FUT8: variants seen among roughly 807,000 people sequenced by gnomAD.
FUT8 encodes the protein alpha-(1,6)-fucosyltransferase.
A neutral mutation model predicts 71.3 loss-of-function variants in FUT8; 29 were observed. The observed-to-expected ratio is 0.41, with a 90% confidence interval of 0.30 to 0.55. FUT8 has a LOEUF of 0.55. Among genes scored for constraint, FUT8 ranks in the 20% least tolerant of loss-of-function variants. The pLI is 0.34. For missense variants in FUT8, 544 were observed against 702.1 expected, an observed-to-expected ratio of 0.77 and a Z score of 2.55; for synonymous variants, 254 against 239.3, an observed-to-expected ratio of 1.06 and a Z score of -0.57.
upstream of FUT8, among the ~76,000 whole-genome samples, chr14:65,409,491 C>A (rs2065101877): frequency 6.6e-6 from 1 of 152,194 alleles, no homozygotes; most frequent in Non-Finnish European, 1.5e-5. The surrounding 1 kb of genome is among the most constrained non-coding windows in gnomAD (Gnocchi z 5.4). Context: ...GTGCTCAGCA[C>A]TATTACACTT....
At chr14:65,722,416 A>G (rs1003771105) in intron 8 of FUT8, among the ~76,000 whole-genome samples, 2 of 152,212 alleles carry the variant, frequency 1.3e-5, no homozygotes, top group Non-Finnish European at 2.9e-5. Context: ...CCTCCCAAGT[A>G]TAATAGCTGG....
At chr14:65,447,561 A>G (rs1487043224) in intron 1 of FUT8, among the ~76,000 whole-genome samples, 2 of 152,064 alleles carry the variant, frequency 1.3e-5, no homozygotes, top group Non-Finnish European at 2.9e-5. Flanking sequence ...CTTCAACCAG[A>G]CAAGATACCA....
intron 5 of FUT8, among the ~76,000 whole-genome samples, chr14:65,616,929 A>G (rs780922927): frequency 3.3e-5 from 5 of 152,126 alleles, no homozygotes; most frequent in South Asian, 2.1e-4. Context: ...TGTTTCTCCT[A>G]TGCACACGTT....
chr14:65,571,224 G>C (rs1886456708), intron 3 of FUT8, among the ~76,000 whole-genome samples: 1 of 152,132 alleles, frequency 6.6e-6, no homozygotes, highest in Admixed American at 6.6e-5. Context: ...CCTGTTAGGA[G>C]AAAGACCAGG....
At chr14:65,390,725 C>CTT in the FUT8 span, among the ~76,000 whole-genome samples, 21,647 of 134,582 alleles carry the variant, frequency 0.16, 2,570 homozygotes, top group East Asian at 0.52. Context: ...ATTTCCTATT[C>CTT]TTTTTTTTTT....
chr14:65,439,991 T>TATATATATATATATATAC lies in FUT8; in HGVS notation c.-325-15630_-325-15629insATATATATATATATATAC, dbSNP rs1491251493. ...ATATATATATATATATATATATATA[T>TATATATATATATATATAC]GTACACACACACAGTGGAATACTGT... is the stretch of plus-strand genomic sequence containing the variant. On this transcript the variant is annotated intron_variant, in intron 1 of 10. Coordinates refer to ENST00000673929, the MANE Select transcript of FUT8 (RefSeq NM_001371533.1). 2.1e-4 allele frequency among the ~76,000 whole-genome samples: 28 copies of TATATATATATATATATAC among 134,240 alleles called. 2 individuals carry two copies. Among genetic ancestry groups the TATATATATATATATATAC allele is most frequent in the Middle Eastern group, 7.8e-3 (2 of 256 alleles). 88.1% of individuals were successfully genotyped at this position (134,240 alleles called of 152,430 possible).
chr14:65,637,374 G>A lies in FUT8; in HGVS notation c.597+7768G>A, dbSNP rs12436402. On this transcript the variant is annotated intron_variant, in intron 6 of 10. Coordinates refer to ENST00000673929, the MANE Select transcript of FUT8 (RefSeq NM_001371533.1). ...CAAGCCTTAGTTTTTTAACTTGTTT[G>A]GAGCAGTTGGAAGTTGGCAGTTCTC... 5.8e-3 allele frequency among the ~76,000 whole-genome samples: 876 copies of A among 152,250 alleles called. 31 individuals are homozygous for A. In the East Asian group the frequency reaches 0.093, roughly 16 times the overall value.
At chr14:65,537,100 C>G (rs1316964868) in intron 2 of FUT8, among the ~76,000 whole-genome samples, 2 of 151,126 alleles carry the variant, frequency 1.3e-5, no homozygotes, top group East Asian at 3.9e-4. Context: ...TCAGCTCTAT[C>G]AGATCAATTA....
At chr14:65,633,231 G>A (rs1266595998) in intron 6 of FUT8, among the ~76,000 whole-genome samples, 2 of 152,288 alleles carry the variant, frequency 1.3e-5, no homozygotes, top group African/African-American at 4.8e-5. Flanking sequence ...GTGTTGGCCG[G>A]GCTGGTCTCC....
At chr14:65,429,380 GT>G (rs1421631582) in intron 1 of FUT8, among the ~76,000 whole-genome samples, 1 of 152,154 alleles carries the variant, frequency 6.6e-6, no homozygotes. Flanking sequence ...AGCTATAAAT[GT>G]ATTTTAATGA....
chr14:65,455,135 T>C (rs2065878386), intron 1 of FUT8, among the ~76,000 whole-genome samples: 1 of 152,122 alleles, frequency 6.6e-6, no homozygotes, highest in Non-Finnish European at 1.5e-5. Context: ...AATAAACAAA[T>C]TGTTCTATGG....
intron 1 of FUT8, among the ~76,000 whole-genome samples, chr14:65,441,131 G>A (rs2065648423): frequency 6.6e-6 from 1 of 152,052 alleles, no homozygotes; most frequent in Admixed American, 6.5e-5. Flanking sequence ...GGAAGGGTAA[G>A]TGGAAAGATA....
At chr14:65,595,550 T>A (rs1887918410) in intron 3 of FUT8, among the ~76,000 whole-genome samples, 1 of 151,920 alleles carries the variant, frequency 6.6e-6, no homozygotes, top group South Asian at 2.1e-4. Flanking sequence ...TTGACATATA[T>A]TCCTTATATT....
At chr14:65,362,466 A>G in the FUT8 span, among the ~76,000 whole-genome samples, 4 of 151,844 alleles carry the variant, frequency 2.6e-5, no homozygotes, top group East Asian at 5.8e-4. Flanking sequence ...ACTTGAGCCC[A>G]GGAGTTCGAG....
chr14:65,742,450 C>T lies in FUT8; in HGVS notation c.*40C>T. ...AGATAAACGACCAAACTCAGTTCGA[C>T]CAAACTCAGTTCAAACCATTTCAGC... is the stretch of plus-strand genomic sequence containing the variant. On this transcript the variant is annotated 3_prime_UTR_variant, in exon 11 of 11. Coordinates refer to ENST00000673929, the MANE Select transcript of FUT8 (RefSeq NM_001371533.1). 1 of 1,562,406 alleles carries T rather than the reference C, an allele frequency of 6.4e-7. No individual in the cohort carries two copies. The highest frequency in any genetic ancestry group is 1.4e-5 in the African/African-American group (1 of 73,720).
chr14:65,619,883 G>A (rs1049616448), intron 5 of FUT8, among the ~76,000 whole-genome samples: 2 of 152,076 alleles, frequency 1.3e-5, no homozygotes, highest in Non-Finnish European at 2.9e-5. Flanking sequence ...AGAATTAAGC[G>A]GTTTAGAGTT....
rs879922285 is a variant in FUT8 at position 65,574,641 on chromosome 14, A to G, written c.203+12875A>G. 6.6e-6 allele frequency among the ~76,000 whole-genome samples: 1 copy of G among 152,216 alleles called. No homozygotes were observed. On this transcript the variant is annotated intron_variant, in intron 3 of 10. Coordinates refer to ENST00000673929, the MANE Select transcript of FUT8 (RefSeq NM_001371533.1). This position sits in a 1 kb window ranked among gnomAD's most constrained non-coding sequence, Gnocchi z 5.2. The stretch of plus-strand genomic sequence containing the variant: ...TTTAATTAAACATGAAAAGCTTTAA[A>G]TGGTGCTTCTTGTCTGTTTTAAAAT...
At chr14:65,584,150 G>C (rs1407004063) in intron 3 of FUT8, among the ~76,000 whole-genome samples, 2 of 150,634 alleles carry the variant, frequency 1.3e-5, no homozygotes, top group African/African-American at 4.9e-5. Flanking sequence ...AAAGTGCTGA[G>C]ATTACAGGTG....
intron 1 of FUT8, among the ~76,000 whole-genome samples, chr14:65,442,037 C>T (rs181053185): frequency 1.3e-5 from 2 of 152,058 alleles, no homozygotes; most frequent in African/African-American, 4.8e-5. Flanking sequence ...TATGTTTACT[C>T]AGATTTAATG....
Sources: gnomAD v4.1 joint callset for allele counts (sites outside exome capture counted in the v4.1 genomes callset) on GRCh38, gnomAD v4.1.1 for gene constraint, Gnocchi (gnomAD v3.1) non-coding constraint, MANE v1.5 for transcripts, NCBI Gene and HGNC (gene_info 2026-07-23, HGNC 2026-07-21) for gene names.